Variants in CNTNAP5 observed in about 807,000 individuals in gnomAD.
CNTNAP5 encodes the protein contactin associated protein family member 5.
Under a neutral mutation model 150.2 loss-of-function variants are expected in CNTNAP5, and 72 were observed. The ratio of observed to expected loss-of-function variants is 0.48; its 90% CI spans 0.40 to 0.58. The LOEUF (loss-of-function observed/expected upper bound fraction) is 0.58. Among genes scored for constraint, CNTNAP5 ranks in the 20% least tolerant of loss-of-function variants. The pLI, the probability that CNTNAP5 is intolerant of heterozygous loss-of-function variation, is 0.00. For synonymous variants in CNTNAP5, 672 were observed against 619.8 expected (o/e 1.08, Z -1.25); for missense variants, 1,636 against 1,626.2 (o/e 1.01, Z -0.10).
chr2:124,177,877 C>T (rs1573813893), intron 1 of CNTNAP5, among the ~76,000 whole-genome samples: 1 of 142,482 alleles, frequency 7.0e-6, no homozygotes, highest in South Asian at 2.2e-4. Context: ...AACAGAGTTT[C>T]GCTCTGTTGC....
chr2:124,776,481 A>G (rs1326297711), intron 17 of CNTNAP5, among the ~76,000 whole-genome samples: 1 of 152,180 alleles, frequency 6.6e-6, no homozygotes, highest in Non-Finnish European at 1.5e-5. Flanking sequence ...TGTCAAACTC[A>G]GTGAGGTCAA....
chr2:124,385,861 T>C (rs1409838838), intron 3 of CNTNAP5, among the ~76,000 whole-genome samples: 2 of 152,240 alleles, frequency 1.3e-5, no homozygotes, highest in African/African-American at 2.4e-5. Flanking sequence ...ACTTCCTTTT[T>C]TATCGTGTTC....
chr2:124,523,885 T>C lies in CNTNAP5; in HGVS notation c.1328-418T>C, dbSNP rs112184070. Reference sequence around the variant, plus strand: ...ACTTTTTCCTAAAATTGTAGGAAAGTATGAGAAAACCAAAATTGCTCTTAA... The same window carrying C: ...ACTTTTTCCTAAAATTGTAGGAAAGCATGAGAAAACCAAAATTGCTCTTAA... On this transcript the variant is annotated intron_variant, in intron 8 of 23. Transcript: ENST00000682447. Among the ~76,000 whole-genome samples the C allele has an allele frequency of 2.0e-3, 301 of 152,244 alleles. 3 individuals are homozygous for C. The highest frequency in any genetic ancestry group is 7.0e-3 in the African/African-American group (291 of 41,544).
At chr2:124,685,794 G>A (rs1679182761) in intron 13 of CNTNAP5, among the ~76,000 whole-genome samples, 1 of 151,696 alleles carries the variant, frequency 6.6e-6, no homozygotes, top group South Asian at 2.1e-4. Flanking sequence ...TCCTGTGATA[G>A]CGAGGGAATG....
chr2:124,230,527 T>A (rs1191340663), intron 2 of CNTNAP5, among the ~76,000 whole-genome samples: 7 of 150,056 alleles, frequency 4.7e-5, no homozygotes, highest in Admixed American at 1.3e-4. Flanking sequence ...TATATATATA[T>A]AAATTATTAT....
At chr2:124,638,977 TC>T in intron 12 of CNTNAP5, among the ~76,000 whole-genome samples, 1 of 152,328 alleles carries the variant, frequency 6.6e-6, no homozygotes, top group East Asian at 1.9e-4. Context: ...ATATATAACC[TC>T]GGCTGCACAG....
chr2:124,823,161 A>G (rs1682525905), intron 19 of CNTNAP5, among the ~76,000 whole-genome samples: 1 of 152,194 alleles, frequency 6.6e-6, no homozygotes, highest in Non-Finnish European at 1.5e-5. Flanking sequence ...CACCGCTTAT[A>G]TGGTCACTCT....
intron 14 of CNTNAP5, among the ~76,000 whole-genome samples, chr2:124,758,318 T>C (rs1246146044): frequency 1.3e-5 from 2 of 152,270 alleles, no homozygotes; most frequent in East Asian, 1.9e-4. Context: ...GGTGGGAAAG[T>C]TGACCCCTGA....
chr2:124,621,768 A>G (rs1403589456), intron 12 of CNTNAP5, among the ~76,000 whole-genome samples: 2 of 152,130 alleles, frequency 1.3e-5, no homozygotes, highest in Admixed American at 6.6e-5. Flanking sequence ...CCATGACATA[A>G]AATGGGACCA....
At chr2:124,479,172 TAAAC>T (rs1190112899) in intron 7 of CNTNAP5, among the ~76,000 whole-genome samples, 1 of 152,192 alleles carries the variant, frequency 6.6e-6, no homozygotes, top group Non-Finnish European at 1.5e-5. Flanking sequence ...CACTATATAA[TAAAC>T]AATCAGAAAG....
At chr2:124,417,813 A>C (rs1361861773) in intron 4 of CNTNAP5, among the ~76,000 whole-genome samples, 1 of 152,218 alleles carries the variant, frequency 6.6e-6, no homozygotes, top group East Asian at 1.9e-4. Context: ...GCTCAATGAA[A>C]CATTCAAAAT....
intron 10 of CNTNAP5, among the ~76,000 whole-genome samples, chr2:124,547,082 C>T (rs975025130): frequency 6.6e-6 from 1 of 152,116 alleles, no homozygotes; most frequent in African/African-American, 2.4e-5. Context: ...TCCCCCACCC[C>T]CGACCAAAAC....
chr2:124,364,098 CA>C (rs576692097), intron 3 of CNTNAP5, among the ~76,000 whole-genome samples: 86 of 152,262 alleles, frequency 5.6e-4, no homozygotes, highest in Admixed American at 1.4e-3. Flanking sequence ...TAGTAAGAGG[CA>C]AAATCCTTAC....
chr2:124,202,377 A>T (rs1189993108), intron 1 of CNTNAP5, among the ~76,000 whole-genome samples: 1 of 152,350 alleles, frequency 6.6e-6, no homozygotes, highest in East Asian at 1.9e-4. Context: ...AGAAATTTTG[A>T]AGGAAAACTT....
At chr2:124,370,208 A>G (rs1690488189) in intron 3 of CNTNAP5, among the ~76,000 whole-genome samples, 1 of 152,196 alleles carries the variant, frequency 6.6e-6, no homozygotes, top group African/African-American at 2.4e-5. Context: ...AACTAAAGCT[A>G]CGTACGTGAA....
intron 19 of CNTNAP5, among the ~76,000 whole-genome samples, chr2:124,852,312 C>T (rs1191664256): frequency 6.6e-6 from 1 of 152,088 alleles, no homozygotes; most frequent in Admixed American, 6.6e-5. Flanking sequence ...GTGTGGCTCT[C>T]ATGGGACCTA....
intron 21 of CNTNAP5, among the ~76,000 whole-genome samples, chr2:124,897,633 C>T (rs1183335221): frequency 6.6e-6 from 1 of 151,054 alleles, no homozygotes; most frequent in Non-Finnish European, 1.5e-5. Flanking sequence ...TTAAGTCAGG[C>T]TAGAGAAATA....
intron 1 of CNTNAP5, among the ~76,000 whole-genome samples, chr2:124,195,078 C>G (rs1429073300): frequency 6.6e-6 from 1 of 151,916 alleles, no homozygotes; most frequent in African/African-American, 2.4e-5. Flanking sequence ...TAAAAAACAT[C>G]TAAAGAGAAC....
At chr2:124,520,627 C>T (rs192921505) in intron 8 of CNTNAP5, among the ~76,000 whole-genome samples, 4 of 152,258 alleles carry the variant, frequency 2.6e-5, no homozygotes, top group South Asian at 4.1e-4. Context: ...GTTTCTGGAA[C>T]CCAAATCCCA....
Sources: gnomAD v4.1 joint callset for allele counts (sites outside exome capture counted in the v4.1 genomes callset) on GRCh38, gnomAD v4.1.1 for gene constraint, MANE v1.5 for transcripts, NCBI Gene and HGNC (gene_info 2026-07-23, HGNC 2026-07-21) for gene names.